SPEN: variants seen among roughly 807,000 people sequenced by gnomAD.
SPEN encodes spen family transcriptional repressor, also known as msx2-interacting protein.
A neutral mutation model predicts 269.9 loss-of-function variants in SPEN; 18 were observed. That is an observed-to-expected ratio of 0.07 (90% CI 0.05 to 0.10). The LOEUF is 0.10. Among genes scored for constraint, SPEN ranks in the 10% least tolerant of loss-of-function variants. SPEN has a pLI of 1.00. For missense variants in SPEN, 3,822 were observed against 4,631.2 expected (o/e 0.83, Z 5.07); for synonymous variants, 1,726 against 1,765.7 (o/e 0.98, Z 0.56).
chr1:15,898,383 C>T (rs757193585), intron 3 of SPEN, among the ~76,000 whole-genome samples: 7 of 151,964 alleles, frequency 4.6e-5, no homozygotes, highest in Non-Finnish European at 1.0e-4. Context: ...TTTCCCCCAG[C>T]CCCTGGCAAC....
Position 15,920,893 on chromosome 1 carries a change from C to T in SPEN, c.1659C>T (p.Gly553=). 4 of 1,610,710 alleles carry T rather than the reference C, an allele frequency of 2.5e-6. No homozygotes were observed. The highest frequency in any genetic ancestry group is 3.4e-6 in the Non-Finnish European group (4 of 1,178,778). The change falls in exon 9 of 15, where the codon GGC becomes GGT. Residue 553 remains glycine (G), a synonymous_variant. Coordinates refer to ENST00000375759, the MANE Select transcript of SPEN (RefSeq NM_015001.3). The part of the protein sequence containing the change: ...VVKVVFDRLK[G]MALVLYNEIE... ...AGGTGGTGTTTGACCGCTTAAAAGG[C>T]ATGGCCCTGGTTCTCTACAATGAAA...
rs755053150 is a variant in SPEN at position 15,930,728 on chromosome 1, AAAG to A, written c.4494_4496del (p.Lys1499del). The A allele has an allele frequency of 6.2e-7, 1 of 1,613,802 alleles. No homozygotes were observed. ...GACCTATTCCATCCTGGTACATGAA[AAAG>A]AAGAAAATTAGGACTGATTCAGAAG... On this transcript the variant is annotated inframe_deletion, in exon 11 of 15. Transcript: ENST00000375759. The surrounding 1 kb of genome is among the most constrained non-coding windows in gnomAD (Gnocchi z 5.3).
intron 1 of SPEN, among the ~76,000 whole-genome samples, chr1:15,866,838 A>G (rs747786948): frequency 6.6e-6 from 1 of 152,190 alleles, no homozygotes; most frequent in Admixed American, 6.5e-5. Context: ...AATGCCTTCC[A>G]TGGTTGCCTA....
chr1:15,854,758 G>A (rs2070369064), intron 1 of SPEN, among the ~76,000 whole-genome samples: 1 of 152,108 alleles, frequency 6.6e-6, no homozygotes, highest in African/African-American at 2.4e-5. Context: ...TGGGATTATA[G>A]GTGTGAGCCA....
intron 3 of SPEN, among the ~76,000 whole-genome samples, chr1:15,898,682 C>G (rs1278061489): frequency 1.3e-5 from 2 of 151,776 alleles, no homozygotes; most frequent in East Asian, 3.9e-4. Context: ...GCCTCAGCCT[C>G]CCGAGTAGCT....
chr1:15,926,832 A>T (rs1248533320), intron 10 of SPEN, among the ~76,000 whole-genome samples: 1 of 151,924 alleles, frequency 6.6e-6, no homozygotes, highest in Non-Finnish European at 1.5e-5. Flanking sequence ...ACCTGGGACT[A>T]CAGGCGCCTG....
intron 1 of SPEN, among the ~76,000 whole-genome samples, chr1:15,856,450 G>A (rs148461903): frequency 1.2e-4 from 18 of 151,490 alleles, no homozygotes; most frequent in Admixed American, 4.6e-4. Context: ...TGTGATTTTC[G>A]TCACCAATAC....
In SPEN at chr1:15,912,582, T is replaced by C. The variant is rs558301331; in HGVS notation, c.1243+1281T>C. On this transcript the variant is annotated intron_variant, in intron 5 of 14. Transcript: ENST00000375759. Reference sequence around the variant, plus strand: ...TTGTATGGTAAAACTGGCACGGAATTGTTAGGGTGACCACTGCAAAATGGT... The same window carrying C: ...TTGTATGGTAAAACTGGCACGGAATCGTTAGGGTGACCACTGCAAAATGGT... Among the ~76,000 whole-genome samples, 45 of 152,228 alleles carry C rather than the reference T, an allele frequency of 3.0e-4. No individual in the cohort carries two copies. In the South Asian group the frequency reaches 9.1e-3, roughly 31 times the overall value.
chr1:15,852,260 A>G (rs1418000180), intron 1 of SPEN, among the ~76,000 whole-genome samples: 1 of 152,126 alleles, frequency 6.6e-6, no homozygotes, highest in African/African-American at 2.4e-5. Flanking sequence ...CTATGAAACC[A>G]CTTCTTGTCT....
intron 3 of SPEN, among the ~76,000 whole-genome samples, chr1:15,899,834 TA>T (rs1156849818): frequency 1.3e-5 from 2 of 151,958 alleles, no homozygotes; most frequent in Non-Finnish European, 2.9e-5. Flanking sequence ...GTTGTTGTTT[TA>T]TTTTTTTATT....
In SPEN at chr1:15,848,285, C is replaced by A. The variant is rs936628814; in HGVS notation, c.83+135C>A. 5 of 463,138 alleles carry A rather than the reference C, an allele frequency of 1.1e-5. No individual in the cohort carries two copies. The highest frequency in any genetic ancestry group is 6.2e-5 in the African/African-American group (3 of 48,206). The allele number at this position is 463,138 out of a possible 1,614,324, so 28.7% of individuals were successfully genotyped here. On this transcript the variant is annotated intron_variant, in intron 1 of 14. Coordinates refer to ENST00000375759, the MANE Select transcript of SPEN (RefSeq NM_015001.3). The surrounding 1 kb of genome is among the most constrained non-coding windows in gnomAD (Gnocchi z 5.1). ...CGGACCCACGGGCGCTGTGGGACCTCGTCAGCCGCTCGGCCCGCGTCGCGG... is the reference window on the plus strand; with the variant it reads ...CGGACCCACGGGCGCTGTGGGACCTAGTCAGCCGCTCGGCCCGCGTCGCGG...
chr1:15,872,417 C>T (rs1343695409), intron 1 of SPEN, among the ~76,000 whole-genome samples: 1 of 151,694 alleles, frequency 6.6e-6, no homozygotes, highest in Non-Finnish European at 1.5e-5. Flanking sequence ...ACGGTGAAAC[C>T]CCGTCTCTAC....
Position 15,928,748 on chromosome 1 carries a change from A to G in SPEN, c.2508A>G (p.Ser836=). The G allele has an allele frequency of 1.9e-6, 3 of 1,614,178 alleles. No homozygotes were observed. The highest frequency in any genetic ancestry group is 2.5e-6 in the Non-Finnish European group (3 of 1,180,036). The part of the protein sequence containing the change: ...GKVHSPSSQS[S]ETDQENEREQ... ...TTCACTCCCCTAGTTCTCAGTCTTC[A>G]GAAACGGACCAAGAAAATGAGCGAG... The change falls in exon 11 of 15, where the codon TCA becomes TCG. Residue 836 remains serine (S), a synonymous_variant. Coordinates refer to ENST00000375759, the MANE Select transcript of SPEN (RefSeq NM_015001.3). This position sits in a 1 kb window ranked among gnomAD's most constrained non-coding sequence, Gnocchi z 5.7.
In SPEN at chr1:15,862,014, C is replaced by G. The variant is rs187355338; in HGVS notation, c.84-10802C>G. Reference sequence around the variant, plus strand: ...CTGAGATTGCGCCACTTTACTCCAGCCTGGGTGACAGAGTGAGACTCCGTC... The same window carrying G: ...CTGAGATTGCGCCACTTTACTCCAGGCTGGGTGACAGAGTGAGACTCCGTC... On this transcript the variant is annotated intron_variant, in intron 1 of 14. Coordinates refer to ENST00000375759, the MANE Select transcript of SPEN (RefSeq NM_015001.3). Among the ~76,000 whole-genome samples the G allele has an allele frequency of 2.5e-3, 387 of 152,294 alleles. 1 individual carries two copies. Among genetic ancestry groups the G allele is most frequent in the Admixed American group, 7.2e-3 (110 of 15,286 alleles).
At position 15,933,334 on chromosome 1, in the gene SPEN, A is replaced by AT; in HGVS notation, c.7094_7095insT (p.Glu2365AspfsTer7). The AT allele has an allele frequency of 6.2e-7, 1 of 1,614,138 alleles. No individual in the cohort carries two copies. The highest frequency in any genetic ancestry group is 2.2e-5 in the East Asian group (1 of 44,884). On this transcript the variant is annotated frameshift_variant, in exon 11 of 15. Transcript: ENST00000375759. LOFTEE classifies it high-confidence loss of function. The surrounding 1 kb of genome is among the most constrained non-coding windows in gnomAD (Gnocchi z 5.7). ...CCTGAATCCAACCAAGCTCAAGGTG[A>AT]GAGTCCTGCTGCAAATGAGGGGACA...
At position 15,848,133 on chromosome 1, in the gene SPEN, C is replaced by A; in HGVS notation, c.66C>A (p.Ile22=). Residue 22 remains isoleucine (I), a synonymous_variant, in exon 1 of 15, where the codon ATC becomes ATA. Coordinates refer to ENST00000375759, the MANE Select transcript of SPEN (RefSeq NM_015001.3). This position sits in a 1 kb window ranked among gnomAD's most constrained non-coding sequence, Gnocchi z 5.1. ...CCGAGAACGTGCGGGAAGAGAAGAT[C>A]ATCGAGCATTTCAAACGGTGAGTGA... The part of the protein sequence containing the change: ...NLPENVREEK[I]IEHFKRYGRV... 2.0e-6 allele frequency: 3 copies of A among 1,497,138 alleles called. No individual in the cohort carries two copies. The highest frequency in any genetic ancestry group is 2.7e-6 in the Non-Finnish European group (3 of 1,115,072). 92.7% of individuals were successfully genotyped at this position (1,497,138 alleles called of 1,614,324 possible).
At chr1:15,859,483 G>T (rs1009657717) in intron 1 of SPEN, among the ~76,000 whole-genome samples, 2 of 149,248 alleles carry the variant, frequency 1.3e-5, no homozygotes, top group Non-Finnish European at 3.0e-5. Context: ...TCAGCCTCCC[G>T]AGTAGCTGGG....
Position 15,933,282 on chromosome 1 carries a change from G to T in SPEN, c.7042G>T (p.Val2348Leu). The T allele has an allele frequency of 6.2e-7, 1 of 1,614,128 alleles. No homozygotes were observed. The highest frequency in any genetic ancestry group is 8.5e-7 in the Non-Finnish European group (1 of 1,180,038). ...SRRKRNTNKK[V>L]VAPVESHVPE... ...CCGCAAGCGAAACACAAACAAGAAAGTGGTGGCTCCTGTAGAGAGCCATGT... is the reference window on the plus strand; with the variant it reads ...CCGCAAGCGAAACACAAACAAGAAATTGGTGGCTCCTGTAGAGAGCCATGT... The change falls in exon 11 of 15, where the codon GTG becomes TTG. Residue 2348 changes from valine to leucine, a missense_variant. By Grantham distance (32) the Val-to-Leu change is conservative (BLOSUM62 1). Around this residue, in one of 16 missense-constraint regions of SPEN, gnomAD observed 727 missense variants for 737.9 expected, o/e 0.99. Transcript: ENST00000375759. The surrounding 1 kb of genome is among the most constrained non-coding windows in gnomAD (Gnocchi z 5.7).
intron 1 of SPEN, among the ~76,000 whole-genome samples, chr1:15,865,701 CAGGT>C (rs151061812): frequency 0.4 from 60,489 of 151,548 alleles, 12,393 homozygotes; most frequent in East Asian, 0.69. Flanking sequence ...GCTGGGATTA[CAGGT>C]GTGAGCCACC....
Sources: gnomAD v4.1 joint callset for allele counts (sites outside exome capture counted in the v4.1 genomes callset) on GRCh38, gnomAD v4.1.1 for gene constraint, gnomAD v4.1.1 regional missense constraint, Gnocchi (gnomAD v3.1) non-coding constraint, MANE v1.5 for transcripts, NCBI Gene and HGNC (gene_info 2026-07-23, HGNC 2026-07-21) for gene names.